Variants in ANKRD13B observed in about 807,000 individuals in gnomAD.
The protein encoded by ANKRD13B is ankyrin repeat domain-containing protein 13B.
ANKRD13B carries 33 observed loss-of-function variants against 74.4 expected under a neutral mutation model. That is an observed-to-expected ratio of 0.44 (90% CI 0.34 to 0.59). The LOEUF (loss-of-function observed/expected upper bound fraction) is 0.59. ANKRD13B is among the 20% of genes least tolerant of loss of function. The pLI is 0.02. For missense variants in ANKRD13B, 676 were observed against 877.9 expected (o/e 0.77, Z 2.91); for synonymous variants, 341 against 362.9 (o/e 0.94, Z 0.68).
In ANKRD13B at chr17:29,609,093, C is replaced by T. The variant is rs143366280; in HGVS notation, c.573C>T (p.Ser191=). 2.0e-5 allele frequency: 32 copies of T among 1,610,468 alleles called. No individual in the cohort carries two copies. The highest frequency in any genetic ancestry group is 3.3e-5 in the Admixed American group (2 of 60,018). ...RSFVFRGQDT[S]AVVMEIDHDR... ...CTGTTCCGTGTCTGGCAGACACAAG[C>T]GCCGTGGTCATGGAGATTGACCACG... Residue 191 remains serine, a synonymous_variant, in exon 6 of 15, where the codon AGC becomes AGT. Transcript: ENST00000394859. This position sits in a 1 kb window ranked among gnomAD's most constrained non-coding sequence, Gnocchi z 4.0.
At chr17:29,606,197 T>C (rs976145228) in intron 1 of ANKRD13B, among the ~76,000 whole-genome samples, 1 of 150,894 alleles carries the variant, frequency 6.6e-6, no homozygotes, top group Non-Finnish European at 1.5e-5. Context: ...AGGCGTGAGC[T>C]ACCGCGCCTG....
chr17:29,608,830 T>C lies in ANKRD13B; in HGVS notation c.422-21T>C. 1 of 1,613,886 alleles carries C rather than the reference T, an allele frequency of 6.2e-7. No individual in the cohort carries two copies. Among genetic ancestry groups the C allele is most frequent in the South Asian group, 1.1e-5 (1 of 91,078 alleles). On this transcript the variant is annotated intron_variant, in intron 4 of 14. Coordinates refer to ENST00000394859, the MANE Select transcript of ANKRD13B (RefSeq NM_152345.5). The surrounding 1 kb of genome is among the most constrained non-coding windows in gnomAD (Gnocchi z 6.4). Reference sequence around the variant, plus strand: ...GTAGGCCAGACCAGTCAAAGCCACCTCCAACCTCCGCTTCCACCAGTGCCC... The same window carrying C: ...GTAGGCCAGACCAGTCAAAGCCACCCCCAACCTCCGCTTCCACCAGTGCCC...
chr17:29,593,385 G>T lies in ANKRD13B; in HGVS notation c.-237G>T. 1 of 146,908 alleles carries T rather than the reference G, an allele frequency of 6.8e-6. No homozygotes were observed. The highest frequency in any genetic ancestry group is 1.9e-4 in the South Asian group (1 of 5,394). 9.1% of individuals were successfully genotyped at this position (146,908 alleles called of 1,614,324 possible). A position where few individuals can be genotyped will look rare whatever the true frequency, so the allele number is the denominator to read the frequency against. ...CCGCCGAGTGCCCGCTCCCTCCCAG[G>T]GCGGGTGGGGGCCTCTCCGCGCCGC... On this transcript the variant is annotated 5_prime_UTR_variant, in exon 1 of 15. Coordinates refer to ENST00000394859, the MANE Select transcript of ANKRD13B (RefSeq NM_152345.5).
In ANKRD13B at chr17:29,593,721, G is replaced by A. The variant is rs763775140; in HGVS notation, c.100G>A (p.Val34Ile). 8.4e-6 allele frequency: 12 copies of A among 1,429,500 alleles called. No individual in the cohort carries two copies. The highest frequency in any genetic ancestry group is 3.1e-5 in the East Asian group (1 of 31,896). The allele number at this position is 1,429,500 out of a possible 1,614,324, so 88.6% of individuals were successfully genotyped here. ...CCGCCACCGCGAGCTGGAGAAGGAGGTCCGCGCGGGCCAGGTAGGAGCGCC... is the reference window on the plus strand; with the variant it reads ...CCGCCACCGCGAGCTGGAGAAGGAGATCCGCGCGGGCCAGGTAGGAGCGCC... ...HNRHRELEKE[V>I]RAGQVDIEQL... The change falls in exon 1 of 15, where the codon GTC (valine) becomes ATC (isoleucine). Residue 34 changes from valine (V) to isoleucine (I), a missense_variant. By Grantham distance (29) the Val-to-Ile change is conservative. Around this residue, in one of 4 missense-constraint regions of ANKRD13B, gnomAD observed 88 missense variants for 87.8 expected, o/e 1.00. Transcript: ENST00000394859.
Position 29,608,334 on chromosome 17 carries a change from C to A in ANKRD13B, c.421+94C>A. The stretch of plus-strand genomic sequence containing the variant: ...GAATGTGTTCTCATAGTTCTTCCGG[C>A]GGTTCCCTCTATGCCTTAGCTCAGC... On this transcript the variant is annotated intron_variant, in intron 4 of 14. Coordinates refer to ENST00000394859, the MANE Select transcript of ANKRD13B (RefSeq NM_152345.5). The surrounding 1 kb of genome is among the most constrained non-coding windows in gnomAD (Gnocchi z 6.4). 1 of 1,536,446 alleles carries A rather than the reference C, an allele frequency of 6.5e-7. No individual in the cohort carries two copies. Among genetic ancestry groups the A allele is most frequent in the South Asian group, 1.2e-5 (1 of 85,056 alleles).
Position 29,608,261 on chromosome 17 carries a change from C to T in ANKRD13B, c.421+21C>T, listed in dbSNP as rs200201604. ...CTGGGGTAAGCGGGCTGCAGCAGGTCGCTTCTGGGCTCTCCCACTTTAGGT... is the reference window on the plus strand; with the variant it reads ...CTGGGGTAAGCGGGCTGCAGCAGGTTGCTTCTGGGCTCTCCCACTTTAGGT... On this transcript the variant is annotated intron_variant, in intron 4 of 14. Transcript: ENST00000394859. This position sits in a 1 kb window ranked among gnomAD's most constrained non-coding sequence, Gnocchi z 6.4. 31 of 1,613,926 alleles carry T rather than the reference C, an allele frequency of 1.9e-5. No individual in the cohort carries two copies. Among genetic ancestry groups the T allele is most frequent in the African/African-American group, 6.7e-5 (5 of 75,008 alleles).
In ANKRD13B at chr17:29,593,554, G is replaced by T; in HGVS notation, c.-68G>T. On this transcript the variant is annotated 5_prime_UTR_variant, in exon 1 of 15. Coordinates refer to ENST00000394859, the MANE Select transcript of ANKRD13B (RefSeq NM_152345.5). ...CGCCGGCCCCCCGCCCCGCGGCCCC[G>T]GGCCCCGGCTCCGGCGCCGTCCCTC... The T allele has an allele frequency of 2.6e-6, 2 of 754,748 alleles. No individual in the cohort carries two copies. The highest frequency in any genetic ancestry group is 3.3e-6 in the Non-Finnish European group (2 of 606,124). The allele number at this position is 754,748 out of a possible 1,614,324, so 46.8% of individuals were successfully genotyped here.
chr17:29,614,493 C>T lies in ANKRD13B; in HGVS notation c.*911C>T, dbSNP rs79996304. On this transcript the variant is annotated 3_prime_UTR_variant, in exon 15 of 15. Coordinates refer to ENST00000394859, the MANE Select transcript of ANKRD13B (RefSeq NM_152345.5). ...CACGGAGACTGACTCTAAAACCCTT[C>T]ATCCAATGGTGCTAACCCCCGGCTC... The T allele has an allele frequency of 0.055, 8,355 of 152,288 alleles. 435 individuals carry two copies. The highest frequency in any genetic ancestry group is 0.13 in the African/African-American group (5,504 of 41,336). 9.4% of individuals were successfully genotyped at this position (152,288 alleles called of 1,614,324 possible). A position where few individuals can be genotyped will look rare whatever the true frequency, so the allele number is the denominator to read the frequency against.
chr17:29,597,384 C>T (rs894432013), intron 1 of ANKRD13B, among the ~76,000 whole-genome samples: 2 of 152,154 alleles, frequency 1.3e-5, no homozygotes, highest in African/African-American at 4.8e-5. Context: ...ACGTGAGTAC[C>T]TATGAGCGTA....
At chr17:29,598,431 T>G (rs2034035562) in intron 1 of ANKRD13B, among the ~76,000 whole-genome samples, 2 of 152,240 alleles carry the variant, frequency 1.3e-5, no homozygotes, top group South Asian at 4.1e-4. Flanking sequence ...TCTGGACTCC[T>G]TTTGTCATTT....
chr17:29,610,217 C>T (rs1337389256), intron 7 of ANKRD13B, among the ~76,000 whole-genome samples: 1 of 150,778 alleles, frequency 6.6e-6, no homozygotes, highest in East Asian at 1.9e-4. Context: ...AAAGGCTCTG[C>T]CTGTTACTCT....
chr17:29,598,998 G>A (rs2034057586), intron 1 of ANKRD13B, among the ~76,000 whole-genome samples: 1 of 152,216 alleles, frequency 6.6e-6, no homozygotes, highest in African/African-American at 2.4e-5. Context: ...AGCAGGCAGG[G>A]ACCTGGCTGA....
intron 1 of ANKRD13B, among the ~76,000 whole-genome samples, chr17:29,597,187 TG>T (rs1376378625): frequency 6.6e-6 from 1 of 152,228 alleles, no homozygotes; most frequent in East Asian, 1.9e-4. Flanking sequence ...ATGAGATGTA[TG>T]CTTTTCATAC....
Position 29,611,446 on chromosome 17 carries a change from G to C in ANKRD13B, c.905-133G>C. On this transcript the variant is annotated intron_variant, in intron 8 of 14. Transcript: ENST00000394859. The surrounding 1 kb of genome is among the most constrained non-coding windows in gnomAD (Gnocchi z 4.3). ...GTCCCCTTCAGGTGAAGGTGCCTGA[G>C]TATGTGGTTGGGTGAGCAGGCCCCA... The C allele has an allele frequency of 1.2e-6, 1 of 838,302 alleles. No individual in the cohort carries two copies. Among genetic ancestry groups the C allele is most frequent in the Non-Finnish European group, 2.0e-6 (1 of 507,888 alleles). 51.9% of individuals were successfully genotyped at this position (838,302 alleles called of 1,614,324 possible). A position where few individuals can be genotyped will look rare whatever the true frequency, so the allele number is the denominator to read the frequency against.
rs750008687 is a variant in ANKRD13B at position 29,611,854 on chromosome 17, G to A, written c.970-22G>A. On this transcript the variant is annotated intron_variant, in intron 9 of 14. Transcript: ENST00000394859. The surrounding 1 kb of genome is among the most constrained non-coding windows in gnomAD (Gnocchi z 4.3). ...CATTAGGAACTGAGGGGAGCTCCTG[G>A]GCCCCTCCCCATGTGGTACAGACCC... 5 of 1,571,070 alleles carry A rather than the reference G, an allele frequency of 3.2e-6. No individual in the cohort carries two copies. Among genetic ancestry groups the A allele is most frequent in the Non-Finnish European group, 4.3e-6 (5 of 1,156,866 alleles).
rs929900255 is a variant in ANKRD13B, at chr17:29,607,982, C to A, written c.251-4C>A. 1.2e-6 allele frequency: 2 copies of A among 1,602,196 alleles called. No individual in the cohort carries two copies. The highest frequency in any genetic ancestry group is 8.5e-7 in the Non-Finnish European group (1 of 1,173,292). The stretch of plus-strand genomic sequence containing the variant: ...CCCTGTGACCTTGCCTCGCCCTCCC[C>A]CAGTGCTCCAGGAGGCTGTGAGTAC... On this transcript the variant is annotated splice_region_variant and splice_polypyrimidine_tract_variant and intron_variant, in intron 2 of 14. Coordinates refer to ENST00000394859, the MANE Select transcript of ANKRD13B (RefSeq NM_152345.5).
intron 1 of ANKRD13B, among the ~76,000 whole-genome samples, 180 bp from the exon 2 acceptor site, chr17:29,607,562 T>TCATAGTGTCTGTCTTTCCGTTGCC (rs1567791335): frequency 2.6e-5 from 4 of 152,210 alleles, no homozygotes; most frequent in South Asian, 2.1e-4. Flanking sequence ...TTTCCGTTGC[T>TCATAGTGTCTGTCTTTCCGTTGCC]CATAGTGTCT....
chr17:29,598,278 T>TA (rs2034030785), intron 1 of ANKRD13B, among the ~76,000 whole-genome samples: 1 of 152,198 alleles, frequency 6.6e-6, no homozygotes, highest in South Asian at 2.1e-4. Flanking sequence ...CTATAAAAAT[T>TA]ATATAAATAA....
In ANKRD13B at chr17:29,612,320, G is replaced by C. The variant is rs1377882980; in HGVS notation, c.1258+47G>C. 1 of 1,612,056 alleles carries C rather than the reference G, an allele frequency of 6.2e-7. No homozygotes were observed. Among genetic ancestry groups the C allele is most frequent in the South Asian group, 1.1e-5 (1 of 91,038 alleles). ...TCCTGAGCCCGTGGCGGGCCGACCG[G>C]GGTTTAGATGAGGTCGGGGTGGGGC... On this transcript the variant is annotated intron_variant, in intron 11 of 14. Coordinates refer to ENST00000394859, the MANE Select transcript of ANKRD13B (RefSeq NM_152345.5). This position sits in a 1 kb window ranked among gnomAD's most constrained non-coding sequence, Gnocchi z 6.1.
Sources: allele counts gnomAD v4.1 joint callset (sites outside exome capture counted in the v4.1 genomes callset), GRCh38; gene constraint gnomAD v4.1.1; regional missense constraint gnomAD v4.1.1; non-coding constraint Gnocchi (gnomAD v3.1); transcripts MANE v1.5; gene names NCBI Gene and HGNC (gene_info 2026-07-23, HGNC 2026-07-21).